The following SSBP2 variants were observed in gnomAD, a reference collection of about 807,000 sequenced individuals.
SSBP2 encodes single stranded DNA binding protein 2.
Under a neutral mutation model 61.8 loss-of-function variants are expected in SSBP2, and 17 were observed. The ratio of observed to expected loss-of-function variants is 0.28; its 90% CI spans 0.19 to 0.41. The LOEUF is 0.41. SSBP2 is among the 10% of genes least tolerant of loss of function. SSBP2 has a pLI of 1.00. For synonymous variants in SSBP2, 139 were observed against 141.3 expected (o/e 0.98, Z 0.12); for missense variants, 310 against 458.7 (o/e 0.68, Z 2.96).
At chr5:81,483,861 G>A (rs1766186224) in intron 6 of SSBP2, among the ~76,000 whole-genome samples, 1 of 151,850 alleles carries the variant, frequency 6.6e-6, no homozygotes, top group Non-Finnish European at 1.5e-5. Flanking sequence ...ACCACATGCA[G>A]CAATTTAAAT....
chr5:81,583,548 T>C (rs1034753502), intron 4 of SSBP2, among the ~76,000 whole-genome samples: 8 of 148,064 alleles, frequency 5.4e-5, no homozygotes, highest in African/African-American at 1.8e-4. Flanking sequence ...GAGAATGGCA[T>C]GAACCCGGGA....
rs116135242 is a variant in SSBP2, at chr5:81,605,631, A to G, written c.282+9842T>C. Among the ~76,000 whole-genome samples the G allele has an allele frequency of 6.5e-3, 986 of 152,280 alleles. 14 individuals are homozygous for G. Among genetic ancestry groups the G allele is most frequent in the African/African-American group, 0.023 (948 of 41,566 alleles). Reference sequence around the variant, plus strand: ...GGGAAAAATCCTACTAGGATTTTTTAACTTCAGAGTAATTTATTTGTTTCA... The same window carrying G: ...GGGAAAAATCCTACTAGGATTTTTTGACTTCAGAGTAATTTATTTGTTTCA... On this transcript the variant is annotated intron_variant, in intron 4 of 16. Transcript: ENST00000320672.
intron 1 of SSBP2, among the ~76,000 whole-genome samples, chr5:81,722,773 T>C (rs1440418726): frequency 1.3e-5 from 2 of 151,990 alleles, no homozygotes; most frequent in East Asian, 1.9e-4. Context: ...CAGAAACACA[T>C]AGTATGTCTC....
At chr5:81,526,921 G>C (rs1769986539) in intron 4 of SSBP2, among the ~76,000 whole-genome samples, 1 of 151,744 alleles carries the variant, frequency 6.6e-6, no homozygotes, top group Non-Finnish European at 1.5e-5. Flanking sequence ...GAGACCTGAA[G>C]AATCAGTCAT....
At chr5:81,598,680 T>C (rs1476635832) in intron 4 of SSBP2, among the ~76,000 whole-genome samples, 10 of 152,190 alleles carry the variant, frequency 6.6e-5, no homozygotes, top group Non-Finnish European at 1.2e-4. Context: ...AAAATCCCTA[T>C]CTGTTCCCAT....
intron 4 of SSBP2, among the ~76,000 whole-genome samples, chr5:81,516,624 C>A (rs1278766636): frequency 6.6e-6 from 1 of 151,952 alleles, no homozygotes; most frequent in Non-Finnish European, 1.5e-5. Flanking sequence ...GCTTAGGGTA[C>A]CATTTGGTAC....
At chr5:81,446,182 G>GACACATTTT (rs1246018040) in intron 12 of SSBP2, among the ~76,000 whole-genome samples, 1 of 151,088 alleles carries the variant, frequency 6.6e-6, no homozygotes. Context: ...CATGGCTCTT[G>GACACATTTT]ACACATTTTA....
In SSBP2 at chr5:81,413,514, C is replaced by T. The variant is rs1468187181; in HGVS notation, c.*6990G>A. 1 of 152,090 alleles carries T rather than the reference C, an allele frequency of 6.6e-6. No individual in the cohort carries two copies. The highest frequency in any genetic ancestry group is 2.4e-5 in the African/African-American group (1 of 41,418). The allele number at this position is 152,090 out of a possible 1,614,324, so 9.4% of individuals were successfully genotyped here. A position where few individuals can be genotyped will look rare whatever the true frequency, so the allele number is the denominator to read the frequency against. On this transcript the variant is annotated 3_prime_UTR_variant, in exon 17 of 17. Transcript: ENST00000320672. Reference sequence around the variant, plus strand: ...CAATTTAACACATGTAGTAAGAAAACGTCTTAAATTCGGAAAATCACAACT... The same window carrying T: ...CAATTTAACACATGTAGTAAGAAAATGTCTTAAATTCGGAAAATCACAACT...
intron 1 of SSBP2, among the ~76,000 whole-genome samples, chr5:81,687,219 G>A (rs368427668): frequency 2.8e-4 from 42 of 152,310 alleles, no homozygotes; most frequent in African/African-American, 4.1e-4. Flanking sequence ...GTGGGACTTC[G>A]CATTGGAACT....
chr5:81,609,830 C>T (rs1469991928), intron 4 of SSBP2, among the ~76,000 whole-genome samples: 2 of 152,150 alleles, frequency 1.3e-5, no homozygotes, highest in Non-Finnish European at 2.9e-5. Flanking sequence ...TTTGTTTTAA[C>T]CTTTTTTGCA....
chr5:81,548,432 C>G (rs1050032550), intron 4 of SSBP2, among the ~76,000 whole-genome samples: 1 of 152,104 alleles, frequency 6.6e-6, no homozygotes, highest in Non-Finnish European at 1.5e-5. Flanking sequence ...ATAAAATATA[C>G]TTAAGAAATA....
intron 4 of SSBP2, among the ~76,000 whole-genome samples, chr5:81,580,353 A>G (rs1581078474): frequency 6.6e-6 from 1 of 152,226 alleles, no homozygotes; most frequent in East Asian, 1.9e-4. Context: ...AAGAAACAGA[A>G]TCACAGTGGT....
chr5:81,461,583 G>T (rs1207655357), intron 9 of SSBP2, among the ~76,000 whole-genome samples: 12 of 136,608 alleles, frequency 8.8e-5, no homozygotes, highest in Non-Finnish European at 1.6e-5. Flanking sequence ...GGTATCTAAA[G>T]TTGCCTTTTA....
chr5:81,538,309 G>A (rs901462117), intron 4 of SSBP2, among the ~76,000 whole-genome samples: 10 of 152,186 alleles, frequency 6.6e-5, no homozygotes, highest in Non-Finnish European at 1.3e-4. Flanking sequence ...AAGGCCCTAA[G>A]TCTCTTCAAT....
chr5:81,494,970 TC>T (rs1308644560), intron 5 of SSBP2, among the ~76,000 whole-genome samples: 3 of 152,178 alleles, frequency 2.0e-5, no homozygotes, highest in Non-Finnish European at 4.4e-5. Context: ...TTCTATTATA[TC>T]AAGAATTATT....
At chr5:81,584,408 A>G (rs1001067630) in intron 4 of SSBP2, among the ~76,000 whole-genome samples, 1 of 152,188 alleles carries the variant, frequency 6.6e-6, no homozygotes, top group African/African-American at 2.4e-5. Context: ...TTTAACTCTT[A>G]TCAGTACAAA....
chr5:81,552,866 C>T (rs1297824274), intron 4 of SSBP2, among the ~76,000 whole-genome samples: 2 of 152,046 alleles, frequency 1.3e-5, no homozygotes, highest in African/African-American at 4.8e-5. Context: ...ATAAATTCTT[C>T]TTCATCCATT....
intron 4 of SSBP2, among the ~76,000 whole-genome samples, chr5:81,529,535 T>C (rs890403095): frequency 2.6e-5 from 4 of 152,062 alleles, no homozygotes; most frequent in African/African-American, 9.7e-5. Context: ...ACTAAAGGCA[T>C]AGATAGGTCA....
At chr5:81,448,929 T>C (rs997376449) in intron 10 of SSBP2, 104 bp from the exon 11 acceptor site, 3 of 912,756 alleles carry the variant, frequency 3.3e-6, no homozygotes, top group South Asian at 1.5e-5. Flanking sequence ...TTAAAATGTA[T>C]CACAAAGTAT....
Sources: allele counts gnomAD v4.1 joint callset (sites outside exome capture counted in the v4.1 genomes callset), GRCh38; gene constraint gnomAD v4.1.1; transcripts MANE v1.5; gene names NCBI Gene and HGNC (gene_info 2026-07-23, HGNC 2026-07-21).